Variants in TLE4 observed in about 807,000 individuals in gnomAD.
TLE4 encodes the protein TLE family member 4, transcriptional corepressor, also known as transducin-like enhancer protein 4.
A neutral mutation model predicts 92.8 loss-of-function variants in TLE4; 8 were observed. The observed-to-expected ratio is 0.09, with a 90% CI of 0.05 to 0.16. The LOEUF (loss-of-function observed/expected upper bound fraction) is 0.16. Ranked by LOEUF, TLE4 falls within the 10% of genes least tolerant of loss-of-function variation. The pLI, the probability that TLE4 is intolerant of heterozygous loss-of-function variation, is 1.00. For synonymous variants in TLE4, 371 were observed against 374.1 expected (o/e 0.99, Z 0.10); for missense variants, 675 against 997.6 (o/e 0.68, Z 4.36).
In TLE4 at chr9:79,678,626, T is replaced by TTTTA. The variant is rs934187228; in HGVS notation, c.609+24553_609+24554insTATT. On this transcript the variant is annotated intron_variant, in intron 8 of 19. Transcript: ENST00000376552. The stretch of plus-strand genomic sequence containing the variant: ...ACTTTATTATTGTTTTTCTTTTTTT[T>TTTTA]TTATTATTATTATACTTTAAGTTTT... Among the ~76,000 whole-genome samples the TTTTA allele has an allele frequency of 6.6e-5, 10 of 151,804 alleles. No homozygotes were observed. In the South Asian group the frequency reaches 1.7e-3, roughly 25 times the overall value.
At chr9:79,594,366 A>G (rs2043429603) in intron 4 of TLE4, among the ~76,000 whole-genome samples, 1 of 152,226 alleles carries the variant, frequency 6.6e-6, no homozygotes, top group Non-Finnish European at 1.5e-5. Flanking sequence ...TATAGTTTAT[A>G]TAGTTCATGA....
chr9:79,640,795 C>T (rs1324685176), intron 6 of TLE4, among the ~76,000 whole-genome samples: 3 of 152,126 alleles, frequency 2.0e-5, no homozygotes, highest in Admixed American at 6.6e-5. Context: ...TTGCCACTCT[C>T]AGATTCAGAA....
chr9:79,687,618 A>ATTCCTTGGCCTCTTCCTTGCCC, intron 8 of TLE4, among the ~76,000 whole-genome samples: 1 of 152,272 alleles, frequency 6.6e-6, no homozygotes, highest in Non-Finnish European at 1.5e-5. Flanking sequence ...GTCCCTTGTC[A>ATTCCTTGGCCTCTTCCTTGCCC]TTCCTTGGCC....
intron 14 of TLE4, among the ~76,000 whole-genome samples, chr9:79,711,827 G>T (rs140609164): frequency 2.0e-5 from 3 of 152,290 alleles, no homozygotes; most frequent in Non-Finnish European, 4.4e-5. Context: ...GGATTGTTGA[G>T]AATTTTTGTT....
chr9:79,686,851 C>G (rs1417410536), intron 8 of TLE4, among the ~76,000 whole-genome samples: 1 of 152,198 alleles, frequency 6.6e-6, no homozygotes, highest in Admixed American at 6.5e-5. Context: ...CTCCCAAGAG[C>G]GAAGTTTATC....
At chr9:79,632,641 T>A (rs977002129) in intron 6 of TLE4, among the ~76,000 whole-genome samples, 1 of 152,192 alleles carries the variant, frequency 6.6e-6, no homozygotes, top group Non-Finnish European at 1.5e-5. Flanking sequence ...GCTTTTGTGT[T>A]ATTTTTTAAA....
intron 4 of TLE4, among the ~76,000 whole-genome samples, chr9:79,610,380 C>A (rs2048090428): frequency 6.6e-6 from 1 of 152,044 alleles, no homozygotes; most frequent in Non-Finnish European, 1.5e-5. Flanking sequence ...ATCGCTAAAG[C>A]CCAGTGGAAA....
chr9:79,664,176 A>G (rs1040264124), intron 8 of TLE4, among the ~76,000 whole-genome samples: 1 of 152,218 alleles, frequency 6.6e-6, no homozygotes, highest in African/African-American at 2.4e-5. Flanking sequence ...TGGAAAGTGA[A>G]GGGAGATTTA....
intron 8 of TLE4, chr9:79,671,657 C>G (rs192572420): frequency 1.0e-3 from 172 of 163,898 alleles, no homozygotes; most frequent in Non-Finnish European, 1.8e-3. Context: ...CACTATAATA[C>G]TGATTTATTT....
Position 79,572,520 on chromosome 9 carries a change from A to C in TLE4, c.-271A>C, listed in dbSNP as rs1438664395. ...TGCGCCTCGGCGGAGCGAACGTCGG[A>C]GCGTTGCCTTGGGAGACGCGCGCCG... On this transcript the variant is annotated 5_prime_UTR_variant, in exon 1 of 20. Transcript: ENST00000376552. 6.3e-6 allele frequency: 1 copy of C among 157,526 alleles called. No homozygotes were observed. The highest frequency in any genetic ancestry group is 2.4e-5 in the African/African-American group (1 of 41,146). The allele number at this position is 157,526 out of a possible 1,614,324, so 9.8% of individuals were successfully genotyped here. A position where few individuals can be genotyped will look rare whatever the true frequency, so the allele number is the denominator to read the frequency against.
intron 6 of TLE4, among the ~76,000 whole-genome samples, chr9:79,651,031 A>ATCTCTCTCTCTCTCTCTCTCTCTC (rs10580766): frequency 3.6e-5 from 5 of 138,744 alleles, no homozygotes; most frequent in Admixed American, 1.4e-4. Flanking sequence ...GGAATGATCG[A>ATCTCTCTCTCTCTCTCTCTCTCTC]TCTCTCTCTC....
intron 8 of TLE4, among the ~76,000 whole-genome samples, chr9:79,700,531 A>G (rs753860504): frequency 1.3e-5 from 2 of 152,156 alleles, no homozygotes; most frequent in Non-Finnish European, 2.9e-5. Context: ...TAATCTAGGA[A>G]CTAGAATCTT....
chr9:79,616,221 C>A (rs1479181633), intron 5 of TLE4, among the ~76,000 whole-genome samples: 1 of 152,142 alleles, frequency 6.6e-6, no homozygotes. Flanking sequence ...GATCTGGGTC[C>A]TGGCCTCCCT....
At position 79,582,945 on chromosome 9, in the gene TLE4, A is replaced by G; in HGVS notation, c.252+6768A>G. The stretch of plus-strand genomic sequence containing the variant: ...TTTACACTGATAATGACAGTTTGCA[A>G]GGCTTAGGACTTGTTCAAAGTAAGT... On this transcript the variant is annotated intron_variant, in intron 4 of 19. Transcript: ENST00000376552. Among the ~76,000 whole-genome samples the G allele has an allele frequency of 1.3e-5, 2 of 152,184 alleles. 1 individual carries two copies. Among genetic ancestry groups the G allele is most frequent in the Non-Finnish European group, 2.9e-5 (2 of 68,026 alleles).
At position 79,614,927 on chromosome 9, in the gene TLE4, T is replaced by G. The variant is rs142260368; in HGVS notation, c.315+2209T>G. 6.9e-3 allele frequency among the ~76,000 whole-genome samples: 1,047 copies of G among 152,328 alleles called. 13 individuals are homozygous for G. The highest frequency in any genetic ancestry group is 0.023 in the African/African-American group (964 of 41,578). On this transcript the variant is annotated intron_variant, in intron 5 of 19. Coordinates refer to ENST00000376552, the MANE Select transcript of TLE4 (RefSeq NM_007005.6). ...GCCAAAAGATTGGACACCCGTGATCTATGCCATGGTTTTCTAAATGCTAGT... is the reference window on the plus strand; with the variant it reads ...GCCAAAAGATTGGACACCCGTGATCGATGCCATGGTTTTCTAAATGCTAGT...
intron 4 of TLE4, among the ~76,000 whole-genome samples, chr9:79,608,911 CTAAA>C (rs2047720300): frequency 6.6e-6 from 1 of 151,910 alleles, no homozygotes; most frequent in South Asian, 2.1e-4. Context: ...CTGAAATGAT[CTAAA>C]TAAAAATCAG....
At chr9:79,695,185 G>A (rs1167228298) in intron 8 of TLE4, among the ~76,000 whole-genome samples, 1 of 152,130 alleles carries the variant, frequency 6.6e-6, no homozygotes, top group African/African-American at 2.4e-5. Flanking sequence ...TGACCTTGGG[G>A]GAGGGGCCTG....
chr9:79,683,833 A>AG (rs1215175773), intron 8 of TLE4, among the ~76,000 whole-genome samples: 1 of 152,216 alleles, frequency 6.6e-6, no homozygotes, highest in African/African-American at 2.4e-5. Flanking sequence ...TTAACATGGC[A>AG]GTAATAATAC....
chr9:79,624,963 T>C (rs944578028), intron 5 of TLE4, among the ~76,000 whole-genome samples: 5 of 151,870 alleles, frequency 3.3e-5, no homozygotes, highest in African/African-American at 1.2e-4. Flanking sequence ...TTAAGTGTGG[T>C]CCTTTGTTTC....
Sources: gnomAD v4.1 joint callset for allele counts (sites outside exome capture counted in the v4.1 genomes callset) on GRCh38, gnomAD v4.1.1 for gene constraint, MANE v1.5 for transcripts, NCBI Gene and HGNC (gene_info 2026-07-23, HGNC 2026-07-21) for gene names.